EPHA3: variants seen among roughly 807,000 people sequenced by gnomAD.
The protein encoded by EPHA3 is EPH receptor A3.
A neutral mutation model predicts 107.1 loss-of-function variants in EPHA3; 42 were observed. The ratio of observed to expected loss-of-function variants is 0.39; its 90% CI spans 0.31 to 0.51. The LOEUF is 0.51. EPHA3 is among the 20% of genes least tolerant of loss of function. The probability of loss-of-function intolerance (pLI) is 0.78; values close to 1 mark genes in which losing one functional copy is unlikely to be tolerated. For synonymous variants in EPHA3, 461 were observed against 424.8 expected, an observed-to-expected ratio of 1.09 and a Z score of -1.05; for missense variants, 1,183 against 1,211.2, an observed-to-expected ratio of 0.98 and a Z score of 0.35.
chr3:89,340,954 A>G lies in EPHA3; in HGVS notation c.853A>G (p.Met285Val). The G allele has an allele frequency of 1.2e-6, 2 of 1,614,080 alleles. No individual in the cohort carries two copies. The highest frequency in any genetic ancestry group is 1.7e-6 in the Non-Finnish European group (2 of 1,179,978). ...PGFYKALDGN[M>V]KCAKCPPHSS... ...TTTCTACAAGGCATTGGATGGTAAT[A>G]TGAAGTGTGCTAAGTGCCCGCCTCA... Residue 285 changes from methionine to valine, a missense_variant, in exon 4 of 17, where the codon ATG (methionine) becomes GTG (valine). Transcript: ENST00000336596.
intron 1 of EPHA3, among the ~76,000 whole-genome samples, chr3:89,122,782 T>C (rs970728559): frequency 6.6e-6 from 1 of 152,234 alleles, no homozygotes; most frequent in African/African-American, 2.4e-5. Context: ...ACTGGGAACA[T>C]TTGTTTCAAG....
chr3:89,347,591 T>A (rs1265956657), intron 5 of EPHA3, among the ~76,000 whole-genome samples: 1 of 150,052 alleles, frequency 6.7e-6, no homozygotes, highest in East Asian at 1.9e-4. Context: ...CTTTTCCTAA[T>A]TGAATACCCT....
At chr3:89,350,243 T>C (rs868228359) in intron 5 of EPHA3, among the ~76,000 whole-genome samples, 2,589 of 150,454 alleles carry the variant, frequency 0.017, 88 homozygotes, top group Middle Eastern at 0.031. Context: ...CCCCGTCACT[T>C]TCAGGTACAC....
chr3:89,272,717 C>T (rs1253697646), intron 3 of EPHA3, among the ~76,000 whole-genome samples: 1 of 151,878 alleles, frequency 6.6e-6, no homozygotes, highest in Admixed American at 6.6e-5. Context: ...TTTACTTACT[C>T]TTTTTCTCTT....
intron 1 of EPHA3, among the ~76,000 whole-genome samples, chr3:89,118,496 G>T (rs1319089660): frequency 6.6e-6 from 1 of 151,788 alleles, no homozygotes; most frequent in African/African-American, 2.4e-5. Flanking sequence ...TTCCAAAGGT[G>T]ATCCTTTGGA....
intron 3 of EPHA3, among the ~76,000 whole-genome samples, chr3:89,219,930 G>T (rs957243796): frequency 9.0e-4 from 134 of 149,100 alleles, no homozygotes; most frequent in African/African-American, 3.3e-3. Context: ...GGATGGTCTC[G>T]ATCTCCTGAC....
chr3:89,173,707 T>C (rs1440312123), intron 2 of EPHA3, among the ~76,000 whole-genome samples: 1 of 152,042 alleles, frequency 6.6e-6, no homozygotes, highest in Non-Finnish European at 1.5e-5. Context: ...CACTGTATTT[T>C]TCCTCACAAT....
At chr3:89,393,366 C>T (rs1708782664) in intron 5 of EPHA3, among the ~76,000 whole-genome samples, 1 of 152,128 alleles carries the variant, frequency 6.6e-6, no homozygotes, top group Admixed American at 6.6e-5. Flanking sequence ...TTGGACAGAC[C>T]CCCAAAACAG....
At chr3:89,287,039 C>A (rs1185696785) in intron 3 of EPHA3, among the ~76,000 whole-genome samples, 2 of 152,114 alleles carry the variant, frequency 1.3e-5, no homozygotes, top group African/African-American at 4.8e-5. Context: ...TTTCATAGAA[C>A]CTGACTACTG....
rs978481083 is a variant in EPHA3 at position 89,171,903 on chromosome 3, C to A, written c.154-37957C>A. ...TAACATTAGCGGGTCATTGTGTAAGCCTGACCATAATCTTTCTATAGACAG... is the reference window on the plus strand; with the variant it reads ...TAACATTAGCGGGTCATTGTGTAAGACTGACCATAATCTTTCTATAGACAG... On this transcript the variant is annotated intron_variant, in intron 2 of 16. Transcript: ENST00000336596. Among the ~76,000 whole-genome samples the A allele has an allele frequency of 2.0e-5, 3 of 152,072 alleles. No homozygotes were observed. The South Asian group carries it at 6.2e-4, about 32-fold the overall frequency.
chr3:89,404,799 C>T (rs575798924), intron 7 of EPHA3, among the ~76,000 whole-genome samples: 2 of 152,284 alleles, frequency 1.3e-5, no homozygotes, highest in Middle Eastern at 3.4e-3. Context: ...TAGTTCCCTT[C>T]CCAGTTTCAC....
At chr3:89,250,127 C>G (rs964343207) in intron 3 of EPHA3, among the ~76,000 whole-genome samples, 3 of 152,194 alleles carry the variant, frequency 2.0e-5, no homozygotes, top group African/African-American at 7.2e-5. Flanking sequence ...AGTATACATT[C>G]CTGAATAAGG....
At chr3:89,191,866 TAA>T (rs974756677) in intron 2 of EPHA3, among the ~76,000 whole-genome samples, 3 of 152,160 alleles carry the variant, frequency 2.0e-5, no homozygotes, top group African/African-American at 7.2e-5. Flanking sequence ...TAGTAAATGT[TAA>T]AAAGATAAGT....
At chr3:89,478,686 T>G (rs1238141615) in intron 16 of EPHA3, among the ~76,000 whole-genome samples, 1 of 152,142 alleles carries the variant, frequency 6.6e-6, no homozygotes, top group East Asian at 1.9e-4. Flanking sequence ...AAGACCTGAA[T>G]GAAGAAAGTG....
At chr3:89,319,936 G>T (rs1420903597) in intron 3 of EPHA3, among the ~76,000 whole-genome samples, 1 of 151,712 alleles carries the variant, frequency 6.6e-6, no homozygotes, top group Admixed American at 6.6e-5. Flanking sequence ...TTTATATAAT[G>T]CTATATACAA....
chr3:89,152,632 A>G (rs1704713463), intron 2 of EPHA3, among the ~76,000 whole-genome samples: 3 of 152,122 alleles, frequency 2.0e-5, no homozygotes, highest in Admixed American at 6.6e-5. Flanking sequence ...TATACTTTTT[A>G]AAAAGAACGT....
At chr3:89,323,405 C>A (rs1017695012) in intron 3 of EPHA3, among the ~76,000 whole-genome samples, 14 of 152,034 alleles carry the variant, frequency 9.2e-5, no homozygotes, top group African/African-American at 3.4e-4. Context: ...AAGATTTGAA[C>A]CTGAGCATTC....
At chr3:89,447,890 C>G (rs1429982612) in intron 13 of EPHA3, among the ~76,000 whole-genome samples, 1 of 152,114 alleles carries the variant, frequency 6.6e-6, no homozygotes, top group African/African-American at 2.4e-5. Flanking sequence ...TATATTGCCC[C>G]CTTGAGCATC....
rs1278611506 is a variant in EPHA3, at chr3:89,480,638, T to TGG, written c.*1137_*1138dup. 2 of 232,400 alleles carry TGG rather than the reference T, an allele frequency of 8.6e-6. No individual in the cohort carries two copies. The highest frequency in any genetic ancestry group is 1.7e-5 in the Non-Finnish European group (2 of 117,292). 14.4% of individuals were successfully genotyped at this position (232,400 alleles called of 1,614,324 possible). A position where few individuals can be genotyped will look rare whatever the true frequency, so the allele number is the denominator to read the frequency against. On this transcript the variant is annotated 3_prime_UTR_variant, in exon 17 of 17. Coordinates refer to ENST00000336596, the MANE Select transcript of EPHA3 (RefSeq NM_005233.6). The stretch of plus-strand genomic sequence containing the variant: ...CATGAGTAAAAAAAAAAACAATTAC[T>TGG]GGCTCACTGGCTTTGAAAAGTCACT...
Sources: gnomAD v4.1 joint callset for allele counts (sites outside exome capture counted in the v4.1 genomes callset) on GRCh38, gnomAD v4.1.1 for gene constraint, MANE v1.5 for transcripts, NCBI Gene and HGNC (gene_info 2026-07-23, HGNC 2026-07-21) for gene names.